The following OTUD7B variants were observed in gnomAD, a reference collection of about 807,000 sequenced individuals.
OTUD7B encodes OTU deubiquitinase 7B.
OTUD7B carries 34 observed loss-of-function variants against 82.2 expected under a neutral mutation model. That is an observed-to-expected ratio of 0.41 (90% confidence interval 0.31 to 0.55). The LOEUF (loss-of-function observed/expected upper bound fraction) is 0.55. Ranked by LOEUF, OTUD7B falls within the 20% of genes least tolerant of loss-of-function variation. The pLI, the probability that OTUD7B is intolerant of heterozygous loss-of-function variation, is 0.20. For missense variants in OTUD7B, 944 were observed against 1,062.1 expected (o/e 0.89, Z 1.55); for synonymous variants, 398 against 402.7 (o/e 0.99, Z 0.14).
intron 1 of OTUD7B, among the ~76,000 whole-genome samples, chr1:149,984,406 A>T (rs11205309): frequency 0.32 from 48,583 of 151,940 alleles, 9,026 homozygotes; most frequent in African/African-American, 0.51. Context: ...TATAAGATGA[A>T]CACAATCATC....
chr1:150,030,743 TG>T, the OTUD7B span, among the ~76,000 whole-genome samples: 1 of 152,236 alleles, frequency 6.6e-6, no homozygotes, highest in South Asian at 2.1e-4. Flanking sequence ...ACCAGTTCAC[TG>T]AAACTGTTCT....
chr1:149,995,939 C>T (rs587635870), intron 1 of OTUD7B, among the ~76,000 whole-genome samples: 2 of 152,344 alleles, frequency 1.3e-5, no homozygotes, highest in Non-Finnish European at 1.5e-5. Flanking sequence ...AACCTCAAAA[C>T]TCTTTTCTAG....
intron 1 of OTUD7B, among the ~76,000 whole-genome samples, chr1:150,004,864 T>C (rs1490970275): frequency 2.0e-5 from 3 of 152,096 alleles, no homozygotes; most frequent in Non-Finnish European, 2.9e-5. Flanking sequence ...TATTCATTTA[T>C]TTTTTTATTT....
chr1:150,018,949 G>T, the OTUD7B span, among the ~76,000 whole-genome samples: 1 of 152,100 alleles, frequency 6.6e-6, no homozygotes, highest in Non-Finnish European at 1.5e-5. Context: ...CAGCAAGACA[G>T]TATGGTGGCT....
At chr1:149,991,350 A>G (rs1040341477) in intron 1 of OTUD7B, among the ~76,000 whole-genome samples, 4 of 152,020 alleles carry the variant, frequency 2.6e-5, no homozygotes, top group Admixed American at 2.6e-4. Flanking sequence ...TATAATAATA[A>G]TTTTTCTTTT....
intron 7 of OTUD7B, among the ~76,000 whole-genome samples, chr1:149,956,500 C>T (rs188779086): frequency 3.9e-4 from 59 of 152,212 alleles, no homozygotes; most frequent in African/African-American, 1.3e-3. Flanking sequence ...GGGAATCTGA[C>T]AATTATGTAT....
chr1:150,045,917 AAAGT>A, the OTUD7B span, among the ~76,000 whole-genome samples: 1 of 152,226 alleles, frequency 6.6e-6, no homozygotes, highest in Non-Finnish European at 1.5e-5. Flanking sequence ...TATATAGTTA[AAAGT>A]AATATAATTA....
intron 5 of OTUD7B, among the ~76,000 whole-genome samples, chr1:149,965,028 G>T (rs966914836): frequency 2.0e-5 from 3 of 150,942 alleles, no homozygotes; most frequent in Admixed American, 6.6e-5. Flanking sequence ...TAGTAGCTGG[G>T]ATTACAGGCA....
intron 8 of OTUD7B, 106 bp from the exon 9 acceptor site, chr1:149,949,884 T>A: frequency 7.5e-7 from 1 of 1,341,902 alleles, no homozygotes; most frequent in Non-Finnish European, 1.0e-6. Context: ...CATTCCAACA[T>A]GTTTAATAAT....
intron 1 of OTUD7B, among the ~76,000 whole-genome samples, chr1:149,992,626 C>A (rs938471733): frequency 6.6e-6 from 1 of 151,772 alleles, no homozygotes; most frequent in Non-Finnish European, 1.5e-5. Context: ...TAGGTGTGCA[C>A]CACCACACCT....
chr1:149,993,410 C>G (rs1651729322), intron 1 of OTUD7B, among the ~76,000 whole-genome samples: 1 of 152,150 alleles, frequency 6.6e-6, no homozygotes. Flanking sequence ...TCTCTGCTTT[C>G]TAAAAGTTCA....
chr1:149,982,550 C>T (rs948388548), intron 1 of OTUD7B, among the ~76,000 whole-genome samples: 1 of 151,990 alleles, frequency 6.6e-6, no homozygotes, highest in South Asian at 2.1e-4. Flanking sequence ...ACCTCCACCC[C>T]CCAGGCTCAG....
At position 149,977,449 on chromosome 1, in the gene OTUD7B, C is replaced by A; in HGVS notation, c.62G>T (p.Gly21Val). The A allele has an allele frequency of 6.2e-7, 1 of 1,613,922 alleles. No homozygotes were observed. Among genetic ancestry groups the A allele is most frequent in the Non-Finnish European group, 8.5e-7 (1 of 1,179,796 alleles). ...DFVRSTGAEP[G>V]LARDLLEGKN... ...ACCTTCTAGGAGATCTCGCGCTAGCCCTGGCTCTGCTCCTGTGGAACGGAC... is the reference window on the plus strand; with the variant it reads ...ACCTTCTAGGAGATCTCGCGCTAGCACTGGCTCTGCTCCTGTGGAACGGAC... The change falls in exon 2 of 12, where the codon GGG (glycine) becomes GTG (valine). Residue 21 changes from glycine (G) to valine (V), a missense_variant. Physicochemically the swap from Gly to Val is moderately radical, Grantham distance 109. Around this residue, in one of 3 missense-constraint regions of OTUD7B, gnomAD observed 530 missense variants for 625.6 expected, o/e 0.85. Transcript: ENST00000581312.
chr1:150,025,139 G>A, the OTUD7B span, among the ~76,000 whole-genome samples: 9 of 150,786 alleles, frequency 6.0e-5, no homozygotes, highest in Admixed American at 6.6e-5. Flanking sequence ...TAGGTCTCAG[G>A]GGCTGGGCGC....
At chr1:149,979,834 G>C (rs367690740) in intron 1 of OTUD7B, among the ~76,000 whole-genome samples, 1 of 152,080 alleles carries the variant, frequency 6.6e-6, no homozygotes, top group African/African-American at 2.4e-5. Context: ...CACAGCCTTA[G>C]GTCAGAGGAA....
chr1:150,032,432 T>C, the OTUD7B span, among the ~76,000 whole-genome samples: 1 of 137,214 alleles, frequency 7.3e-6, no homozygotes, highest in South Asian at 2.3e-4. Context: ...GTTCCGAGAC[T>C]AGCTTGGGCA....
rs370634238 is a variant in OTUD7B, at chr1:149,995,596, C to A, written c.-67+14852G>T. 6.0e-3 allele frequency among the ~76,000 whole-genome samples: 905 copies of A among 150,514 alleles called. 13 individuals carry two copies. The highest frequency in any genetic ancestry group is 0.02 in the African/African-American group (831 of 41,004). On this transcript the variant is annotated intron_variant, in intron 1 of 11. Coordinates refer to ENST00000581312, the MANE Select transcript of OTUD7B (RefSeq NM_020205.4). ...TCCACCTCAAAAAAACAAAACAAAA[C>A]AAAAAAAAACACTGGCAACCTTGAT... is the stretch of plus-strand genomic sequence containing the variant.
chr1:149,951,001 TAGA>T (rs1648202860), intron 7 of OTUD7B, among the ~76,000 whole-genome samples: 7 of 63,702 alleles, frequency 1.1e-4, no homozygotes, highest in African/African-American at 2.1e-4. Flanking sequence ...TTTTTTTTTG[TAGA>T]TGGAGTCTCA....
upstream of OTUD7B, among the ~76,000 whole-genome samples, chr1:150,012,647 C>T (rs1294098914): frequency 1.3e-5 from 2 of 152,164 alleles, no homozygotes; most frequent in Admixed American, 1.3e-4. Context: ...TGGCAGTGAC[C>T]ATAGAAGGTC....
Sources: gnomAD v4.1 joint callset for allele counts (sites outside exome capture counted in the v4.1 genomes callset) on GRCh38, gnomAD v4.1.1 for gene constraint, gnomAD v4.1.1 regional missense constraint, MANE v1.5 for transcripts, NCBI Gene and HGNC (gene_info 2026-07-23, HGNC 2026-07-21) for gene names.